The following PLEKHG2 variants were observed in gnomAD, a reference collection of about 807,000 sequenced individuals.
PLEKHG2 encodes pleckstrin homology and RhoGEF domain containing G2, also known as pleckstrin homology domain-containing family G member 2.
Under a neutral mutation model 104.4 loss-of-function variants are expected in PLEKHG2, and 71 were observed. The observed-to-expected ratio is 0.68, with a 90% CI of 0.56 to 0.83. The LOEUF is 0.83. PLEKHG2 is among the 40% of genes least tolerant of loss of function. The pLI is 0.00. For missense variants in PLEKHG2, 1,730 were observed against 1,809.4 expected, an observed-to-expected ratio of 0.96 and a Z score of 0.80; for synonymous variants, 728 against 737.0, an observed-to-expected ratio of 0.99 and a Z score of 0.20.
At position 39,414,984 on chromosome 19, in the gene PLEKHG2, C is replaced by A; in HGVS notation, c.110-8C>A. The A allele has an allele frequency of 6.3e-7, 1 of 1,588,402 alleles. No individual in the cohort carries two copies. ...ATTTCTCTGACCTCCTGTTCCACAC[C>A]CCAGCAGCTCCTGCAGCCCCCACCA... On this transcript the variant is annotated splice_polypyrimidine_tract_variant and splice_region_variant and intron_variant, in intron 2 of 18. Transcript: ENST00000425673.
In PLEKHG2 at chr19:39,413,850, G is replaced by A. The variant is rs1284454209; in HGVS notation, c.-22-215G>A. The A allele has an allele frequency of 2.6e-6, 1 of 377,924 alleles. No homozygotes were observed. Among genetic ancestry groups the A allele is most frequent in the Non-Finnish European group, 5.0e-6 (1 of 200,030 alleles). The allele number at this position is 377,924 out of a possible 1,614,324, so 23.4% of individuals were successfully genotyped here. On this transcript the variant is annotated intron_variant, in intron 1 of 18. Transcript: ENST00000425673. The surrounding 1 kb of genome is among the most constrained non-coding windows in gnomAD (Gnocchi z 4.5). ...TCGCAGCTTCTGCGCCTCCTGCTCC[G>A]CTCACTCTTCTTTGTCTCAGCCTTT...
chr19:39,421,411 C>T, intron 16 of PLEKHG2, 112 bp downstream of exon 16: 2 of 1,166,482 alleles, frequency 1.7e-6, no homozygotes, highest in Admixed American at 2.0e-5. Flanking sequence ...TGGGGCCAGA[C>T]AGAGTAACTC....
At position 39,416,914 on chromosome 19, in the gene PLEKHG2, C is replaced by G; in HGVS notation, c.658C>G (p.Gln220Glu). The G allele has an allele frequency of 6.2e-7, 1 of 1,613,208 alleles. No homozygotes were observed. The highest frequency in any genetic ancestry group is 8.5e-7 in the Non-Finnish European group (1 of 1,179,926). ...AGCAGCCCTGTGGCTGCAGGAGCGC[C>G]AGGCCCAGCTTCGCCACTCGCTGCC... ...PPAALWLQER[Q>E]AQLRHSLPLQ... The change falls in exon 7 of 19, where the codon CAG (glutamine) becomes GAG (glutamate). Residue 220 changes from glutamine to glutamate, a missense_variant. By Grantham distance (29) the Gln-to-Glu change is conservative (BLOSUM62 2). Transcript: ENST00000425673. This position sits in a 1 kb window ranked among gnomAD's most constrained non-coding sequence, Gnocchi z 4.5.
chr19:39,419,958 C>G (rs2078672715), intron 11 of PLEKHG2, among the ~76,000 whole-genome samples: 1 of 152,124 alleles, frequency 6.6e-6, no homozygotes, highest in African/African-American at 2.4e-5. Context: ...GAGGCTGAGG[C>G]AGGAGAATCA....
Position 39,426,304 on chromosome 19 carries a change from C to T in PLEKHG2, c.*1010C>T, listed in dbSNP as rs779860905. 6.6e-6 allele frequency: 1 copy of T among 152,282 alleles called. No homozygotes were observed. The highest frequency in any genetic ancestry group is 1.5e-5 in the Non-Finnish European group (1 of 68,078). 9.4% of individuals were successfully genotyped at this position (152,282 alleles called of 1,614,324 possible). A position where few individuals can be genotyped will look rare whatever the true frequency, so the allele number is the denominator to read the frequency against. ...ATATCCCAGTTCTTGTACCCACTCA[C>T]ATACCTCAGATCCCTTCACTCCTCC... On this transcript the variant is annotated 3_prime_UTR_variant, in exon 19 of 19. Transcript: ENST00000425673.
Position 39,422,795 on chromosome 19 carries a change from C to T in PLEKHG2, c.1741C>T (p.Leu581Phe), listed in dbSNP as rs1341121619. Residue 581 changes from leucine to phenylalanine, a missense_variant, in exon 18 of 19, where the codon CTC becomes TTC. Physicochemically the swap from Leu to Phe is conservative, Grantham distance 22. Coordinates refer to ENST00000425673, the MANE Select transcript of PLEKHG2 (RefSeq NM_022835.3). ...DSQVPGDSETLTFQALPSRDS... is the reference protein window; with the variant it reads ...DSQVPGDSETFTFQALPSRDS... ...CCAGGTGCCTGGCGACAGCGAAACC[C>T]TCACATTCCAAGCCCTGCCCAGCCG... 2.0e-6 allele frequency: 3 copies of T among 1,529,644 alleles called. No individual in the cohort carries two copies. In the Admixed American group the frequency reaches 6.5e-5, roughly 33 times the overall value. The allele number at this position is 1,529,644 out of a possible 1,614,324, so 94.8% of individuals were successfully genotyped here. A position where few individuals can be genotyped will look rare whatever the true frequency, so the allele number is the denominator to read the frequency against.
chr19:39,415,050 C>A lies in PLEKHG2; in HGVS notation c.168C>A (p.Ser56Arg). The A allele has an allele frequency of 6.3e-7, 1 of 1,597,028 alleles. No homozygotes were observed. The highest frequency in any genetic ancestry group is 8.5e-7 in the Non-Finnish European group (1 of 1,172,274). ...PRGSGSSTSL[S>R]TVGSEGDPAP... ...GTTCTGGGAGCTCCACATCCCTGAG[C>A]ACAGTGGGCTCTGAGGGGGATCCAG... Residue 56 changes from serine (S) to arginine (R), a missense_variant, in exon 3 of 19, where the codon AGC becomes AGA. Transcript: ENST00000425673. The surrounding 1 kb of genome is among the most constrained non-coding windows in gnomAD (Gnocchi z 4.6).
Position 39,428,109 on chromosome 19 carries a change from T to C in PLEKHG2, c.*2815T>C, listed in dbSNP as rs1473971109. On this transcript the variant is annotated 3_prime_UTR_variant, in exon 19 of 19. Transcript: ENST00000425673. ...CGGTAATCCTAGCTACTCAGGAGGC[T>C]GAGGCAGGAGAATCACTTGAACCTG... 1 of 152,194 alleles carries C rather than the reference T, an allele frequency of 6.6e-6. No individual in the cohort carries two copies. The highest frequency in any genetic ancestry group is 2.4e-5 in the African/African-American group (1 of 41,446). 9.4% of individuals were successfully genotyped at this position (152,194 alleles called of 1,614,324 possible).
chr19:39,423,070 A>G lies in PLEKHG2; in HGVS notation c.2016A>G (p.Pro672=), dbSNP rs902730565. 1 of 1,614,116 alleles carries G rather than the reference A, an allele frequency of 6.2e-7. No homozygotes were observed. The highest frequency in any genetic ancestry group is 8.5e-7 in the Non-Finnish European group (1 of 1,180,024). The change falls in exon 18 of 19, where the codon CCA becomes CCG. Residue 672 remains proline, a synonymous_variant. Transcript: ENST00000425673. ...ATGTTTTTGAGATGCCCTGCCTTCCAGCCATACCTAGTGTCCCCAACACCC... is the reference window on the plus strand; with the variant it reads ...ATGTTTTTGAGATGCCCTGCCTTCCGGCCATACCTAGTGTCCCCAACACCC... ...ISDVFEMPCL[P]AIPSVPNTPS... is the part of the protein sequence containing the mutation.
Position 39,415,378 on chromosome 19 carries a change from C to T in PLEKHG2, c.418C>T (p.Leu140=), listed in dbSNP as rs1252838124. The T allele has an allele frequency of 6.2e-6, 10 of 1,614,158 alleles. 1 individual carries two copies. The highest frequency in any genetic ancestry group is 1.6e-4 in the Middle Eastern group (1 of 6,062). Reference sequence around the variant, plus strand: ...TCTGCTGGACGGCGGGGTCCTGGGGCTGAGCGTGGAGCAGGTGGGCACGCT... The same window carrying T: ...TCTGCTGGACGGCGGGGTCCTGGGGTTGAGCGTGGAGCAGGTGGGCACGCT... ...GPLLDGGVLG[L]SVEQVGTLFA... is the part of the protein sequence containing the mutation. Residue 140 remains leucine (L), a synonymous_variant, in exon 4 of 19, where the codon CTG becomes TTG. Transcript: ENST00000425673. The surrounding 1 kb of genome is among the most constrained non-coding windows in gnomAD (Gnocchi z 4.6).
At chr19:39,418,871 G>A (rs760696824) in intron 10 of PLEKHG2, 45 bp downstream of exon 10, 14 of 1,595,640 alleles carry the variant, frequency 8.8e-6, no homozygotes, top group African/African-American at 8.1e-5. Context: ...CCCCAGCCTC[G>A]AGACCTCACA....
In PLEKHG2 at chr19:39,426,223, G is replaced by A. The variant is rs1216025986; in HGVS notation, c.*929G>A. 1.3e-5 allele frequency: 2 copies of A among 152,316 alleles called. No individual in the cohort carries two copies. The highest frequency in any genetic ancestry group is 2.4e-5 in the African/African-American group (1 of 41,428). The allele number at this position is 152,316 out of a possible 1,614,324, so 9.4% of individuals were successfully genotyped here. A position where few individuals can be genotyped will look rare whatever the true frequency, so the allele number is the denominator to read the frequency against. On this transcript the variant is annotated 3_prime_UTR_variant, in exon 19 of 19. Coordinates refer to ENST00000425673, the MANE Select transcript of PLEKHG2 (RefSeq NM_022835.3). ...GATCAATTTTGGGGCTCTGGGATAA[G>A]TCTGTCCCACATCTGTCTGATTTCC...
Position 39,422,086 on chromosome 19 carries a change from T to C in PLEKHG2, c.1504-29T>C, listed in dbSNP as rs547036859. On this transcript the variant is annotated intron_variant, in intron 16 of 18. Coordinates refer to ENST00000425673, the MANE Select transcript of PLEKHG2 (RefSeq NM_022835.3). ...CTATGTGAGGGAGGAGTCTTGGCTC[T>C]TGCCTTCCATTGCTTTCCCTCCTCA... The C allele has an allele frequency of 3.7e-5, 59 of 1,588,380 alleles. No homozygotes were observed. In the South Asian group the frequency reaches 6.6e-4, roughly 18 times the overall value.
intron 9 of PLEKHG2, 77 bp downstream of exon 9, chr19:39,418,182 A>AGT: frequency 8.0e-7 from 1 of 1,245,650 alleles, no homozygotes; most frequent in Non-Finnish European, 1.0e-6. Context: ...TGTGCCCGGC[A>AGT]GTGTGGGCCA....
At chr19:39,417,731 G>C in intron 8 of PLEKHG2, 39 bp downstream of exon 8, 1 of 1,537,172 alleles carries the variant, frequency 6.5e-7, no homozygotes, top group Non-Finnish European at 8.9e-7. Flanking sequence ...GGATGAGGGA[G>C]TGAGCGAGGG....
intron 8 of PLEKHG2, 64 bp downstream of exon 8, chr19:39,417,756 TG>T (rs959623911): frequency 4.6e-5 from 16 of 345,934 alleles, no homozygotes; most frequent in African/African-American, 7.9e-5. Flanking sequence ...TTGGGGCGGG[TG>T]GGGGGAAATC....
chr19:39,416,538 A>G lies in PLEKHG2; in HGVS notation c.547-13A>G, dbSNP rs771632897. On this transcript the variant is annotated splice_polypyrimidine_tract_variant and intron_variant, in intron 5 of 18. Transcript: ENST00000425673. This position sits in a 1 kb window ranked among gnomAD's most constrained non-coding sequence, Gnocchi z 4.5. Reference sequence around the variant, plus strand: ...AGGACCTGGGGTCTCCCTGACTCCCATGTCACCCGCAGAGCGAGGATTTTG... The same window carrying G: ...AGGACCTGGGGTCTCCCTGACTCCCGTGTCACCCGCAGAGCGAGGATTTTG... 13 of 1,613,682 alleles carry G rather than the reference A, an allele frequency of 8.1e-6. No homozygotes were observed. The Admixed American group carries it at 1.8e-4, about 23-fold the overall frequency.
Position 39,416,940 on chromosome 19 carries a change from C to T in PLEKHG2, c.684C>T (p.Pro228=). Reference sequence around the variant, plus strand: ...AGGCCCAGCTTCGCCACTCGCTGCCCCTGCAGAGCTTCCTGCTGAAACCTG... The same window carrying T: ...AGGCCCAGCTTCGCCACTCGCTGCCTCTGCAGAGCTTCCTGCTGAAACCTG... ...ERQAQLRHSL[P]LQSFLLKPVQ... The change falls in exon 7 of 19, where the codon CCC becomes CCT. Residue 228 remains proline, a synonymous_variant. Transcript: ENST00000425673. The surrounding 1 kb of genome is among the most constrained non-coding windows in gnomAD (Gnocchi z 4.5). 1 of 1,613,466 alleles carries T rather than the reference C, an allele frequency of 6.2e-7. No individual in the cohort carries two copies. Among genetic ancestry groups the T allele is most frequent in the Non-Finnish European group, 8.5e-7 (1 of 1,179,952 alleles).
chr19:39,418,408 G>A (rs2078643912), intron 9 of PLEKHG2, among the ~76,000 whole-genome samples: 2 of 152,090 alleles, frequency 1.3e-5, no homozygotes, highest in South Asian at 4.2e-4. Flanking sequence ...GTGAAACCCC[G>A]TCTCTACTAA....
Sources: allele counts gnomAD v4.1 joint callset (sites outside exome capture counted in the v4.1 genomes callset), GRCh38; gene constraint gnomAD v4.1.1; non-coding constraint Gnocchi (gnomAD v3.1); transcripts MANE v1.5; gene names NCBI Gene and HGNC (gene_info 2026-07-23, HGNC 2026-07-21).